Variants in MAP6 observed in about 807,000 individuals in gnomAD.
MAP6 encodes microtubule-associated protein 6.
Under a neutral mutation model 42.4 loss-of-function variants are expected in MAP6, and 26 were observed. The observed-to-expected ratio is 0.61, with a 90% CI of 0.45 to 0.85. The LOEUF is 0.85. Among genes scored for constraint, MAP6 ranks in the 40% least tolerant of loss-of-function variants. MAP6 has a pLI of 0.00. For missense variants in MAP6, 966 were observed against 1,099.0 expected (o/e 0.88, Z 1.71); for synonymous variants, 418 against 443.8 (o/e 0.94, Z 0.73).
intron 3 of MAP6, chr11:75,602,890 T>C (rs1338467848): frequency 3.0e-6 from 3 of 985,528 alleles, no homozygotes; most frequent in Non-Finnish European, 3.6e-6. Flanking sequence ...TATTTATAAT[T>C]GGAAAAACTG....
Position 75,652,074 on chromosome 11 carries a change from C to T in MAP6, c.905+15391G>A, listed in dbSNP as rs181610452. 3.7e-3 allele frequency among the ~76,000 whole-genome samples: 569 copies of T among 152,264 alleles called. 5 individuals carry two copies. The highest frequency in any genetic ancestry group is 0.013 in the African/African-American group (538 of 41,542). On this transcript the variant is annotated intron_variant, in intron 1 of 3. Coordinates refer to ENST00000304771, the MANE Select transcript of MAP6 (RefSeq NM_033063.2). ...AAAAAAATTATTCTCATTAGCAGAG[C>T]TGTATTATAAAAGATTCTATTCAAT...
At chr11:75,601,707 C>T (rs185567943) in intron 3 of MAP6, among the ~76,000 whole-genome samples, 10 of 151,984 alleles carry the variant, frequency 6.6e-5, no homozygotes, top group African/African-American at 2.2e-4. Context: ...AGTTAGCAAC[C>T]GCCCACTCAC....
At chr11:75,663,604 C>A (rs1943894420) in intron 1 of MAP6, among the ~76,000 whole-genome samples, 1 of 152,038 alleles carries the variant, frequency 6.6e-6, no homozygotes, top group Non-Finnish European at 1.5e-5. Flanking sequence ...ATTTTACAAT[C>A]AAGCAGACAA....
chr11:75,628,765 G>A (rs770010367), intron 1 of MAP6, among the ~76,000 whole-genome samples: 1 of 152,184 alleles, frequency 6.6e-6, no homozygotes, highest in Non-Finnish European at 1.5e-5. Flanking sequence ...GGAAGAACTT[G>A]ACCTGGAGAA....
Position 75,637,405 on chromosome 11 carries a change from T to G in MAP6, c.906-29083A>C, listed in dbSNP as rs115838430. ...CAGTATTGACTCATAAATAAACATTTAAAAGGGCAGAAACACATCTAATGA... is the reference window on the plus strand; with the variant it reads ...CAGTATTGACTCATAAATAAACATTGAAAAGGGCAGAAACACATCTAATGA... On this transcript the variant is annotated intron_variant, in intron 1 of 3. Coordinates refer to ENST00000304771, the MANE Select transcript of MAP6 (RefSeq NM_033063.2). Among the ~76,000 whole-genome samples the G allele has an allele frequency of 8.0e-3, 1,220 of 152,268 alleles. 23 individuals carry two copies. The highest frequency in any genetic ancestry group is 0.027 in the African/African-American group (1,134 of 41,554).
rs181166049 is a variant in MAP6 at position 75,620,522 on chromosome 11, A to C, written c.906-12200T>G. On this transcript the variant is annotated intron_variant, in intron 1 of 3. Coordinates refer to ENST00000304771, the MANE Select transcript of MAP6 (RefSeq NM_033063.2). ...AAGAAAGAAAGAAAAAAGAAAATAG[A>C]AGAAAAGAGAATGCTTCTCAACTCA... Among the ~76,000 whole-genome samples, 514 of 152,034 alleles carry C rather than the reference A, an allele frequency of 3.4e-3. 11 individuals carry two copies. Among genetic ancestry groups the C allele is most frequent in the Admixed American group, 0.028 (429 of 15,280 alleles).
intron 3 of MAP6, among the ~76,000 whole-genome samples, chr11:75,597,578 G>A (rs778029470): frequency 9.2e-5 from 14 of 152,276 alleles, no homozygotes; most frequent in East Asian, 1.9e-4. Context: ...CTAAGGCAGC[G>A]CTCAATTCTT....
At chr11:75,638,305 A>T (rs1943407007) in intron 1 of MAP6, among the ~76,000 whole-genome samples, 1 of 152,232 alleles carries the variant, frequency 6.6e-6, no homozygotes, top group Non-Finnish European at 1.5e-5. Context: ...TCTGAGAAAC[A>T]TTCTGCTTGA....
Position 75,587,339 on chromosome 11 carries a change from G to A in MAP6, c.2162C>T (p.Pro721Leu). 6.2e-7 allele frequency: 1 copy of A among 1,614,136 alleles called. No individual in the cohort carries two copies. Among genetic ancestry groups the A allele is most frequent in the East Asian group, 2.2e-5 (1 of 44,882 alleles). The change falls in exon 4 of 4, where the codon CCA (proline) becomes CTA (leucine). Residue 721 changes from proline to leucine, a missense_variant. Transcript: ENST00000304771. ...GGGGCCTTGATCCTTAACTAGTACT[G>A]GGAGAATGGGGTCTTGATTCTTCAC... ...ESVKNQDPIL[P>L]VLVKDQGPTV...
chr11:75,617,803 G>T (rs1943027735), intron 1 of MAP6, among the ~76,000 whole-genome samples: 2 of 152,118 alleles, frequency 1.3e-5, no homozygotes, highest in South Asian at 2.1e-4. Flanking sequence ...CACTGTCAGG[G>T]TTTACCAGTC....
Position 75,623,746 on chromosome 11 carries a change from G to C in MAP6, c.906-15424C>G, listed in dbSNP as rs534313090. On this transcript the variant is annotated intron_variant, in intron 1 of 3. Coordinates refer to ENST00000304771, the MANE Select transcript of MAP6 (RefSeq NM_033063.2). ...TTTTTTTGAGATGGAGTCTCGCTCTGTCGCCCAGGCTGGAGTGCAGTGGCG... is the reference window on the plus strand; with the variant it reads ...TTTTTTTGAGATGGAGTCTCGCTCTCTCGCCCAGGCTGGAGTGCAGTGGCG... Among the ~76,000 whole-genome samples the C allele has an allele frequency of 7.9e-5, 12 of 152,326 alleles. No individual in the cohort carries two copies. In the East Asian group the frequency reaches 2.3e-3, roughly 29 times the overall value.
chr11:75,602,026 G>C (rs1191392924), intron 3 of MAP6, among the ~76,000 whole-genome samples: 1 of 151,962 alleles, frequency 6.6e-6, no homozygotes, highest in Non-Finnish European at 1.5e-5. Context: ...GCCCAGCACA[G>C]TGCCTGGCAC....
rs533743550 is a variant in MAP6 at position 75,668,722 on chromosome 11, T to A, written c.-353A>T. The A allele has an allele frequency of 5.4e-6, 1 of 184,486 alleles. No homozygotes were observed. Among genetic ancestry groups the A allele is most frequent in the East Asian group, 1.4e-4 (1 of 7,282 alleles). The allele number at this position is 184,486 out of a possible 1,614,324, so 11.4% of individuals were successfully genotyped here. A position where few individuals can be genotyped will look rare whatever the true frequency, so the allele number is the denominator to read the frequency against. ...CAGACCTCGGTCGAGCGAGGCGACGTGAGGAGAGGTGGCTACAGGCTTAAG... is the reference window on the plus strand; with the variant it reads ...CAGACCTCGGTCGAGCGAGGCGACGAGAGGAGAGGTGGCTACAGGCTTAAG... On this transcript the variant is annotated 5_prime_UTR_variant, in exon 1 of 4. Transcript: ENST00000304771.
intron 1 of MAP6, among the ~76,000 whole-genome samples, chr11:75,612,628 G>C (rs1013683697): frequency 6.6e-6 from 1 of 152,172 alleles, no homozygotes; most frequent in Admixed American, 6.5e-5. Context: ...AGGTGCCCAG[G>C]CTGGATAGGA....
intron 2 of MAP6, chr11:75,607,599 T>C (rs1393215310): frequency 3.0e-6 from 3 of 985,246 alleles, no homozygotes; most frequent in Non-Finnish European, 1.2e-6. Context: ...CGAGAAGTCA[T>C]AGTGGATGGT....
chr11:75,599,926 G>A (rs1292608341), intron 3 of MAP6, among the ~76,000 whole-genome samples: 1 of 152,192 alleles, frequency 6.6e-6, no homozygotes, highest in African/African-American at 2.4e-5. Flanking sequence ...GGAGGGTTCA[G>A]TGGAATGGCA....
At position 75,602,941 on chromosome 11, in the gene MAP6, A is replaced by G. The variant is rs1242199961; in HGVS notation, c.1316+2867T>C. ...TTCTGAGCAAGCACAGACCACAAGC[A>G]CGTCACAATCAATTGGCTATACATG... is the stretch of plus-strand genomic sequence containing the variant. On this transcript the variant is annotated intron_variant, in intron 3 of 3. Coordinates refer to ENST00000304771, the MANE Select transcript of MAP6 (RefSeq NM_033063.2). The G allele has an allele frequency of 4.1e-6, 4 of 985,734 alleles. No homozygotes were observed. The South Asian group carries it at 1.9e-4, about 46-fold the overall frequency. 61.1% of individuals were successfully genotyped at this position (985,734 alleles called of 1,614,324 possible).
chr11:75,639,854 T>C (rs1186075414), intron 1 of MAP6, among the ~76,000 whole-genome samples: 1 of 152,210 alleles, frequency 6.6e-6, no homozygotes, highest in Non-Finnish European at 1.5e-5. Context: ...GGCACAGCTG[T>C]GCAGTCACTG....
At chr11:75,628,528 G>A (rs996261157) in intron 1 of MAP6, among the ~76,000 whole-genome samples, 44 of 152,206 alleles carry the variant, frequency 2.9e-4, no homozygotes, top group African/African-American at 1.0e-3. Flanking sequence ...GGGGAGGGGA[G>A]GACAGGGCAG....
Sources: gnomAD v4.1 joint callset for allele counts (sites outside exome capture counted in the v4.1 genomes callset) on GRCh38, gnomAD v4.1.1 for gene constraint, MANE v1.5 for transcripts, NCBI Gene and HGNC (gene_info 2026-07-23, HGNC 2026-07-21) for gene names.